The following DSE variants were observed in gnomAD, a reference collection of about 807,000 sequenced individuals.
The protein encoded by DSE is dermatan sulfate epimerase.
In DSE, 36 loss-of-function variants were observed where a neutral mutation model predicts 84.4. That is an observed-to-expected ratio of 0.43 (90% CI 0.33 to 0.56). The LOEUF (loss-of-function observed/expected upper bound fraction) is 0.56. Among genes scored for constraint, DSE ranks in the 20% least tolerant of loss-of-function variants. The probability of loss-of-function intolerance (pLI) is 0.06; values close to 1 mark genes in which losing one functional copy is unlikely to be tolerated. For missense variants in DSE, 862 were observed against 1,169.6 expected (o/e 0.74, Z 3.84); for synonymous variants, 410 against 430.1 (o/e 0.95, Z 0.58).
intron 2 of DSE, among the ~76,000 whole-genome samples, chr6:116,323,804 A>G (rs1265744030): frequency 2.0e-5 from 3 of 152,234 alleles, no homozygotes; most frequent in Non-Finnish European, 2.9e-5. Flanking sequence ...TATGGTTTCT[A>G]TAAGGGGAAA....
chr6:116,381,706 A>G (rs1338009127), intron 1 of DSE, among the ~76,000 whole-genome samples: 1 of 152,172 alleles, frequency 6.6e-6, no homozygotes, highest in African/African-American at 2.4e-5. Context: ...AGCACAATAA[A>G]GGCACTTTAT....
intron 2 of DSE, among the ~76,000 whole-genome samples, chr6:116,265,851 T>C (rs1211881518): frequency 6.6e-6 from 1 of 152,188 alleles, no homozygotes; most frequent in Non-Finnish European, 1.5e-5. Flanking sequence ...CCTTCCCTAG[T>C]TGTGCTCTGC....
chr6:116,433,011 G>C, intron 4 of DSE: 1 of 256,644 alleles, frequency 3.9e-6, no homozygotes, highest in Non-Finnish European at 7.7e-6. Context: ...AACTGCACAA[G>C]AGGATGTCCC....
intron 1 of DSE, among the ~76,000 whole-genome samples, chr6:116,385,943 A>G (rs1040042719): frequency 6.6e-6 from 1 of 152,130 alleles, no homozygotes; most frequent in Non-Finnish European, 1.5e-5. Flanking sequence ...CTCCATATAT[A>G]CTCATCCAAT....
At chr6:116,397,588 C>T (rs1470894286) in intron 1 of DSE, among the ~76,000 whole-genome samples, 1 of 152,212 alleles carries the variant, frequency 6.6e-6, no homozygotes, top group Non-Finnish European at 1.5e-5. Context: ...TTTCTGTGTG[C>T]TGCCAGAGAC....
intron 1 of DSE, among the ~76,000 whole-genome samples, chr6:116,375,115 A>G (rs1376062506): frequency 1.3e-5 from 2 of 152,198 alleles, no homozygotes; most frequent in Admixed American, 1.3e-4. Context: ...AGTTATATAT[A>G]AGCCCAGAGT....
At chr6:116,281,029 T>C (rs1050451998) in intron 2 of DSE, among the ~76,000 whole-genome samples, 3 of 152,156 alleles carry the variant, frequency 2.0e-5, no homozygotes, top group African/African-American at 7.2e-5. Context: ...GTTAAAGATT[T>C]GGAGATGAGA....
chr6:116,321,198 A>G (rs1776284968), intron 2 of DSE, among the ~76,000 whole-genome samples: 1 of 28,508 alleles, frequency 3.5e-5, no homozygotes, highest in Non-Finnish European at 7.3e-5. Context: ...TTTAGAGACA[A>G]GGTCTCACCC....
chr6:116,318,999 G>C (rs1425755735), intron 2 of DSE, among the ~76,000 whole-genome samples: 2 of 152,146 alleles, frequency 1.3e-5, no homozygotes, highest in African/African-American at 2.4e-5. Context: ...TGAAAAAAAT[G>C]CTTCAGTAGT....
intron 2 of DSE, among the ~76,000 whole-genome samples, chr6:116,350,879 G>GT (rs754008037): frequency 1.2e-4 from 18 of 150,420 alleles, no homozygotes; most frequent in Non-Finnish European, 2.2e-4. Context: ...CTATTTAATT[G>GT]TATAAAGATT....
rs1444093330 is a variant in DSE, at chr6:116,439,810, A to C, written c.*2465A>C. The C allele has an allele frequency of 6.6e-6, 1 of 152,212 alleles. No homozygotes were observed. The highest frequency in any genetic ancestry group is 1.5e-5 in the Non-Finnish European group (1 of 68,056). 9.4% of individuals were successfully genotyped at this position (152,212 alleles called of 1,614,324 possible). A position where few individuals can be genotyped will look rare whatever the true frequency, so the allele number is the denominator to read the frequency against. On this transcript the variant is annotated 3_prime_UTR_variant, in exon 6 of 6. Coordinates refer to ENST00000644252, the MANE Select transcript of DSE (RefSeq NM_013352.4). ...GAATCACTAGCATACAGAGCTTGTC[A>C]GTGCAGTAAAAGTGGTATATTCCTG...
chr6:116,411,169 GT>G (rs1214160033), intron 2 of DSE, among the ~76,000 whole-genome samples: 1 of 152,108 alleles, frequency 6.6e-6, no homozygotes, highest in African/African-American at 2.4e-5. Context: ...ATGTGTGTGT[GT>G]GTTGTGCGTG....
At chr6:116,416,305 G>A (rs997054740) in intron 2 of DSE, among the ~76,000 whole-genome samples, 4 of 151,532 alleles carry the variant, frequency 2.6e-5, no homozygotes, top group African/African-American at 9.7e-5. Flanking sequence ...TTTCTTGGGG[G>A]ACTGTTATTT....
At chr6:116,433,590 C>T (rs1264103367) in intron 5 of DSE, 40 bp downstream of exon 5, 1 of 1,572,284 alleles carries the variant, frequency 6.4e-7, no homozygotes, top group Non-Finnish European at 8.7e-7. Context: ...AAATGGTACC[C>T]AAGGGTACTA....
intron 2 of DSE, among the ~76,000 whole-genome samples, chr6:116,350,772 TCA>T (rs1426663850): frequency 3.3e-5 from 5 of 152,180 alleles, no homozygotes; most frequent in Non-Finnish European, 7.4e-5. Context: ...GCAAGTATAT[TCA>T]CTAAACGTGT....
At chr6:116,259,467 T>C (rs1268111705) in intron 2 of DSE, among the ~76,000 whole-genome samples, 1 of 152,240 alleles carries the variant, frequency 6.6e-6, no homozygotes, top group African/African-American at 2.4e-5. Flanking sequence ...ATTTCTTCAA[T>C]TCACATTTAT....
intron 5 of DSE, 122 bp downstream of exon 5, chr6:116,433,672 C>A: frequency 2.0e-6 from 2 of 983,520 alleles, no homozygotes; most frequent in Non-Finnish European, 1.5e-6. Context: ...TTTCTCCATG[C>A]CACCTGAGTA....
chr6:116,355,892 C>T (rs1255049233), intron 2 of DSE: 1 of 152,198 alleles, frequency 6.6e-6, no homozygotes, highest in Non-Finnish European at 1.5e-5. Context: ...GTTAAATAGC[C>T]TTCAATAACA....
At chr6:116,267,054 TAAAC>T (rs1258582543) in intron 2 of DSE, among the ~76,000 whole-genome samples, 2 of 152,338 alleles carry the variant, frequency 1.3e-5, no homozygotes, top group South Asian at 2.1e-4. Flanking sequence ...AATGCTGGTA[TAAAC>T]AAACCTACTA....
Sources: allele counts gnomAD v4.1 joint callset (sites outside exome capture counted in the v4.1 genomes callset), GRCh38; gene constraint gnomAD v4.1.1; transcripts MANE v1.5; gene names NCBI Gene and HGNC (gene_info 2026-07-23, HGNC 2026-07-21).